NARF: variants seen among roughly 807,000 people sequenced by gnomAD.
The protein encoded by NARF is iron-only hydrogenase-like protein 2.
A neutral mutation model predicts 48.0 loss-of-function variants in NARF; 41 were observed. The observed-to-expected ratio is 0.85, with a 90% CI of 0.66 to 1.11. The LOEUF (loss-of-function observed/expected upper bound fraction) is 1.11. Among genes scored for constraint, NARF ranks in the 50% least tolerant of loss-of-function variants. The pLI is 0.00. For synonymous variants in NARF, 215 were observed against 225.5 expected, an observed-to-expected ratio of 0.95 and a Z score of 0.42; for missense variants, 613 against 590.2, an observed-to-expected ratio of 1.04 and a Z score of -0.40.
chr17:82,479,827 T>C (rs1222180122), intron 6 of NARF: 1 of 152,280 alleles, frequency 6.6e-6, no homozygotes, highest in African/African-American at 2.4e-5. Context: ...TGGCAAATTA[T>C]AAACATGATG....
intron 7 of NARF, chr17:82,481,730 CA>C (rs61126963): frequency 0.3 from 104,009 of 349,416 alleles, 3,040 homozygotes; most frequent in Middle Eastern, 0.36. Flanking sequence ...AACTTTGTCT[CA>C]AAAAAAAAAA....
At chr17:82,475,560 G>C (rs571327861) in intron 5 of NARF, among the ~76,000 whole-genome samples, 1 of 152,146 alleles carries the variant, frequency 6.6e-6, no homozygotes, top group African/African-American at 2.4e-5. Context: ...TTGCACCACC[G>C]CACTCCAGCC....
At position 82,485,671 on chromosome 17, in the gene NARF, A is replaced by G; in HGVS notation, c.1129+17A>G. 6.2e-7 allele frequency: 1 copy of G among 1,613,228 alleles called. No homozygotes were observed. Among genetic ancestry groups the G allele is most frequent in the Non-Finnish European group, 8.5e-7 (1 of 1,179,582 alleles). On this transcript the variant is annotated intron_variant, in intron 10 of 10. Coordinates refer to ENST00000309794, the MANE Select transcript of NARF (RefSeq NM_012336.4). Reference sequence around the variant, plus strand: ...GTGCTGGAGGTGAGGCGCCAAGAGCAGCACCTGGCTCTGTCTCCCACGGGT... The same window carrying G: ...GTGCTGGAGGTGAGGCGCCAAGAGCGGCACCTGGCTCTGTCTCCCACGGGT...
chr17:82,479,012 G>A, intron 6 of NARF, 94 bp downstream of exon 6: 1 of 1,204,084 alleles, frequency 8.3e-7, no homozygotes, highest in Admixed American at 2.3e-5. Context: ...TGTCCAGCGT[G>A]GTCACGGCCC....
intron 10 of NARF, 120 bp from the exon 11 acceptor site, chr17:82,487,796 A>AAAGAC: frequency 3.7e-6 from 3 of 819,922 alleles, no homozygotes; most frequent in Non-Finnish European, 3.7e-6. Context: ...CCCAATCTCT[A>AAAGAC]CAAAAAATTT....
chr17:82,481,301 C>T, intron 7 of NARF, 90 bp downstream of exon 7: 2 of 1,562,422 alleles, frequency 1.3e-6, no homozygotes, highest in Non-Finnish European at 8.7e-7. Context: ...TGTCCCAGAG[C>T]CATCTCAGTG....
intron 2 of NARF, chr17:82,463,521 T>A (rs2043486374): frequency 6.6e-6 from 1 of 152,234 alleles, no homozygotes; most frequent in South Asian, 2.1e-4. Flanking sequence ...TCTTAGAGGT[T>A]GCTTCATGCA....
chr17:82,478,871 C>G lies in NARF; in HGVS notation c.592C>G (p.Gln198Glu). 6.2e-7 allele frequency: 1 copy of G among 1,614,066 alleles called. No individual in the cohort carries two copies. Among genetic ancestry groups the G allele is most frequent in the Non-Finnish European group, 8.5e-7 (1 of 1,180,002 alleles). ...CCACCTCTGCACCGCCAAGTCCCCC[C>G]AGCAGGTCATGGGCTCTTTGGTGAA... ...TAHLCTAKSPQQVMGSLVKDY... is the reference protein window; with the variant it reads ...TAHLCTAKSPEQVMGSLVKDY... The change falls in exon 6 of 11, where the codon CAG (glutamine) becomes GAG (glutamate). Residue 198 changes from glutamine (Q) to glutamate (E), a missense_variant. Coordinates refer to ENST00000309794, the MANE Select transcript of NARF (RefSeq NM_012336.4).
chr17:82,480,080 T>C, intron 6 of NARF: 1 of 188,924 alleles, frequency 5.3e-6, no homozygotes, highest in Non-Finnish European at 1.1e-5. Flanking sequence ...AGGGGCGGGT[T>C]TCCTCTTTTG....
At chr17:82,483,638 T>C (rs1311716212) in intron 7 of NARF, 78 bp from the exon 8 acceptor site, 14 of 1,377,660 alleles carry the variant, frequency 1.0e-5, no homozygotes, top group Non-Finnish European at 1.4e-5. Context: ...GGGTCACTAA[T>C]GTCAAATCTC....
At chr17:82,485,458 G>A in intron 9 of NARF, 39 bp from the exon 10 acceptor site, 1 of 1,604,948 alleles carries the variant, frequency 6.2e-7, no homozygotes, top group Middle Eastern at 1.7e-4. Context: ...CACAGATAAA[G>A]GACTTGATGG....
At chr17:82,485,680 C>T in intron 10 of NARF, 26 bp downstream of exon 10, 1 of 1,612,294 alleles carries the variant, frequency 6.2e-7, no homozygotes, top group Non-Finnish European at 8.5e-7. Context: ...CAGCACCTGG[C>T]TCTGTCTCCC....
intron 4 of NARF, among the ~76,000 whole-genome samples, chr17:82,471,202 T>C (rs1218261819): frequency 1.3e-5 from 2 of 149,400 alleles, no homozygotes; most frequent in Non-Finnish European, 3.0e-5. Context: ...ACGCCTGTAA[T>C]CCCAGCACTT....
At chr17:82,458,614 G>T, upstream of NARF, 1 of 668,590 alleles carries the variant, frequency 1.5e-6, no homozygotes, top group Non-Finnish European at 2.2e-6. Flanking sequence ...CCGTAAGGGT[G>T]GGGAATCCTA....
rs778681524 is a variant in NARF, at chr17:82,484,867, C to T, written c.888C>T (p.Asp296=). The change falls in exon 9 of 11, where the codon GAC becomes GAT. Residue 296 remains aspartate (D), a synonymous_variant. Transcript: ENST00000309794. ...KVTRHDGASS[D]GHLAHIFRHA... is the part of the protein sequence containing the mutation. ...CGCGTCATGATGGAGCCAGCTCAGA[C>T]GGGCACCTGGCACACATCTTCAGAC... 6.2e-6 allele frequency: 10 copies of T among 1,612,716 alleles called. No individual in the cohort carries two copies. The highest frequency in any genetic ancestry group is 4.5e-5 in the East Asian group (2 of 44,772).
chr17:82,473,126 A>T (rs2043753043), intron 5 of NARF, among the ~76,000 whole-genome samples: 1 of 151,486 alleles, frequency 6.6e-6, no homozygotes, highest in South Asian at 2.1e-4. Context: ...TTATTAGTGG[A>T]GATGGGGTTT....
intron 3 of NARF, among the ~76,000 whole-genome samples, chr17:82,467,502 T>G (rs1357971676): frequency 2.0e-5 from 3 of 152,060 alleles, no homozygotes; most frequent in African/African-American, 7.2e-5. Flanking sequence ...ATTTTTTATT[T>G]TTGGAGATGG....
At chr17:82,461,710 G>A (rs1183131011) in intron 2 of NARF, among the ~76,000 whole-genome samples, 1 of 152,244 alleles carries the variant, frequency 6.6e-6, no homozygotes, top group Admixed American at 6.5e-5. Context: ...AGTGAAGGGT[G>A]TTGGGAGAGG....
At chr17:82,459,040 C>T (rs1018802506) in intron 1 of NARF, 6 of 1,206,894 alleles carry the variant, frequency 5.0e-6, no homozygotes, top group South Asian at 4.3e-5. Flanking sequence ...CGCGGTTCTC[C>T]CTGAACTTGT....
Sources: gnomAD v4.1 joint callset for allele counts (sites outside exome capture counted in the v4.1 genomes callset) on GRCh38, gnomAD v4.1.1 for gene constraint, MANE v1.5 for transcripts, NCBI Gene and HGNC (gene_info 2026-07-23, HGNC 2026-07-21) for gene names.